SCAMP4: variants seen among roughly 807,000 people sequenced by gnomAD.
The protein encoded by SCAMP4 is secretory carrier-associated membrane protein 4.
A neutral mutation model predicts 32.1 loss-of-function variants in SCAMP4; 19 were observed. That is an observed-to-expected ratio of 0.59 (90% CI 0.41 to 0.87). SCAMP4 has a LOEUF of 0.87. SCAMP4 is among the 40% of genes least tolerant of loss of function. SCAMP4 has a pLI of 0.00. For missense variants in SCAMP4, 302 were observed against 309.0 expected, an observed-to-expected ratio of 0.98 and a Z score of 0.17; for synonymous variants, 152 against 132.7, an observed-to-expected ratio of 1.15 and a Z score of -1.00.
intron 2 of SCAMP4, among the ~76,000 whole-genome samples, chr19:1,917,180 C>T (rs1441916228): frequency 6.6e-6 from 1 of 152,108 alleles, no homozygotes; most frequent in African/African-American, 2.4e-5. Context: ...GTGGTGGGCG[C>T]CTGTAATCCC....
intron 5 of SCAMP4, chr19:1,921,245 G>C (rs978530118): frequency 5.6e-5 from 55 of 985,200 alleles, no homozygotes; most frequent in Non-Finnish European, 6.6e-5. Flanking sequence ...GGCAAGAGGC[G>C]ACAGCCCCGC....
intron 1 of SCAMP4, among the ~76,000 whole-genome samples, chr19:1,909,584 GCAGCAGGGA>G (rs2013327852): frequency 1.0e-5 from 1 of 99,790 alleles, no homozygotes; most frequent in African/African-American, 5.2e-5. Flanking sequence ...ACCTGTGCCA[GCAGCAGGGA>G]TGTCCTCACC....
chr19:1,912,871 C>G, intron 1 of SCAMP4: 2 of 1,601,258 alleles, frequency 1.2e-6, no homozygotes, highest in Middle Eastern at 3.3e-4. Flanking sequence ...GCCCCCCAGG[C>G]CGTCCGCGCA....
chr19:1,923,029 G>T (rs546069581), intron 5 of SCAMP4, 41 bp from the exon 6 acceptor site: 2 of 1,495,554 alleles, frequency 1.3e-6, no homozygotes, highest in Non-Finnish European at 1.8e-6. Context: ...CCCTCATCCA[G>T]CAGGTGTGCA....
rs773503682 is a variant in SCAMP4 at position 1,918,251 on chromosome 19, G to A, written c.261G>A (p.Val87=). Residue 87 remains valine, a synonymous_variant, in exon 4 of 7, where the codon GTG becomes GTA. Transcript: ENST00000316097. The part of the protein sequence containing the change: ...WLLLFTPCGY[V]CWFRPVYKAF... ...TCCTGTTCACGCCTTGCGGCTACGTGTGCTGGTTCCGGCCTGTCTACAAGG... is the reference window on the plus strand; with the variant it reads ...TCCTGTTCACGCCTTGCGGCTACGTATGCTGGTTCCGGCCTGTCTACAAGG... 4.4e-6 allele frequency: 7 copies of A among 1,608,314 alleles called. No homozygotes were observed. Among genetic ancestry groups the A allele is most frequent in the Admixed American group, 1.7e-5 (1 of 59,890 alleles).
At position 1,911,925 on chromosome 19, in the gene SCAMP4, C is replaced by T. The variant is rs562813101; in HGVS notation, c.-41-3054C>T. On this transcript the variant is annotated intron_variant, in intron 1 of 6. Transcript: ENST00000316097. ...GACATGAGGGAGTGTAGCTCTGATG[C>T]GGTGACCTGGGCCGGAGCCCTCGGA... 1.9e-4 allele frequency: 239 copies of T among 1,261,480 alleles called. 1 individual carries two copies. The highest frequency in any genetic ancestry group is 3.8e-4 in the South Asian group (22 of 57,446). 78.1% of individuals were successfully genotyped at this position (1,261,480 alleles called of 1,614,324 possible). A position where few individuals can be genotyped will look rare whatever the true frequency, so the allele number is the denominator to read the frequency against.
At chr19:1,920,867 T>G (rs932203010) in intron 5 of SCAMP4, 2 of 985,376 alleles carry the variant, frequency 2.0e-6, no homozygotes, top group Non-Finnish European at 2.4e-6. Flanking sequence ...TGCCCACATG[T>G]GACCCTCAGA....
chr19:1,908,343 C>A lies in SCAMP4; in HGVS notation c.-42+2904C>A. ...GGCCGCTTCAGCGTGACCTCCAAGG[C>A]CACTGGCCTGGAGTTCCACTGGCTG... On this transcript the variant is annotated intron_variant, in intron 1 of 6. Coordinates refer to ENST00000316097, the MANE Select transcript of SCAMP4 (RefSeq NM_079834.4). This position sits in a 1 kb window ranked among gnomAD's most constrained non-coding sequence, Gnocchi z 4.2. 2.7e-6 allele frequency: 1 copy of A among 373,260 alleles called. No homozygotes were observed. 23.1% of individuals were successfully genotyped at this position (373,260 alleles called of 1,614,324 possible).
rs950410431 is a variant in SCAMP4 at position 1,922,909 on chromosome 19, A to T, written c.396-161A>T. 10 of 1,345,308 alleles carry T rather than the reference A, an allele frequency of 7.4e-6. No individual in the cohort carries two copies. The African/African-American group carries it at 1.5e-4, about 20-fold the overall frequency. The allele number at this position is 1,345,308 out of a possible 1,614,324, so 83.3% of individuals were successfully genotyped here. A position where few individuals can be genotyped will look rare whatever the true frequency, so the allele number is the denominator to read the frequency against. ...TCACGCGTTGAAGTTGGTGCCTCTC[A>T]GTATCGCTTTATGTTTGTTGGCCAC... On this transcript the variant is annotated intron_variant, in intron 5 of 6. Coordinates refer to ENST00000316097, the MANE Select transcript of SCAMP4 (RefSeq NM_079834.4).
At chr19:1,912,745 C>T in intron 1 of SCAMP4, 3 of 1,544,700 alleles carry the variant, frequency 1.9e-6, no homozygotes, top group Non-Finnish European at 1.7e-6. Context: ...TGCAGCTGCG[C>T]GGACAACCCC....
chr19:1,907,905 CTGGGACAGTCAA>C (rs1334417444), intron 1 of SCAMP4: 1 of 152,664 alleles, frequency 6.6e-6, no homozygotes, highest in African/African-American at 2.4e-5. Flanking sequence ...CCGCCCTGGC[CTGGGACAGTCAA>C]TCAGCCTGAA....
chr19:1,919,282 G>A (rs1319908145), intron 5 of SCAMP4: 3 of 1,270,072 alleles, frequency 2.4e-6, no homozygotes, highest in African/African-American at 3.0e-5. Context: ...TCTCCTGAGT[G>A]TTGATCACAC....
chr19:1,919,157 GCCCGCGTCCTCGCCAGCA>G (rs2013836336), intron 5 of SCAMP4, 167 bp downstream of exon 5: 4 of 1,442,502 alleles, frequency 2.8e-6, no homozygotes, highest in South Asian at 1.4e-5. Flanking sequence ...CCTCGCCAGC[GCCCGCGTCCTCGCCAGCA>G]CCCAGCCATG....
At chr19:1,920,106 T>C in intron 5 of SCAMP4, 5 of 985,240 alleles carry the variant, frequency 5.1e-6, no homozygotes, top group Non-Finnish European at 4.8e-6. Flanking sequence ...CCACTGTGCC[T>C]GGCCAAATTT....
intron 2 of SCAMP4, chr19:1,915,285 C>G: frequency 1.7e-6 from 1 of 579,260 alleles, no homozygotes; most frequent in South Asian, 2.0e-5. Context: ...CCTGCCATCA[C>G]AGCTGCTCTT....
Position 1,917,591 on chromosome 19 carries a change from C to T in SCAMP4, c.8-103C>T. 2.2e-6 allele frequency: 3 copies of T among 1,340,178 alleles called. 1 individual carries two copies. The South Asian group carries it at 3.9e-5, about 18-fold the overall frequency. 83.0% of individuals were successfully genotyped at this position (1,340,178 alleles called of 1,614,324 possible). On this transcript the variant is annotated intron_variant, in intron 2 of 6. Coordinates refer to ENST00000316097, the MANE Select transcript of SCAMP4 (RefSeq NM_079834.4). ...GCCCTCAATCCCAACTGCAGAGTCC[C>T]TTCTGCCATGAGAGGCAACCCAGCC...
At chr19:1,920,968 G>A (rs1470224641) in intron 5 of SCAMP4, 87 of 985,308 alleles carry the variant, frequency 8.8e-5, no homozygotes, top group Non-Finnish European at 9.5e-5. Context: ...GCAGGTCACG[G>A]GAGAAGCTGA....
At position 1,918,985 on chromosome 19, in the gene SCAMP4, C is replaced by T. The variant is rs1241770879; in HGVS notation, c.390C>T (p.Gly130=). The T allele has an allele frequency of 6.2e-6, 10 of 1,605,574 alleles. No homozygotes were observed. The highest frequency in any genetic ancestry group is 1.3e-5 in the African/African-American group (1 of 74,782). Residue 130 remains glycine (G), a synonymous_variant, in exon 5 of 7, where the codon GGC becomes GGT. Coordinates refer to ENST00000316097, the MANE Select transcript of SCAMP4 (RefSeq NM_079834.4). ...VIQAIGFSGW[G]ACGWLSAIGF... ...AGGCGATTGGCTTCTCCGGCTGGGG[C>T]GCGTGGTAAGCCTCTCTCTGATGGG... is the stretch of plus-strand genomic sequence containing the variant.
intron 1 of SCAMP4, chr19:1,912,381 C>G (rs1257950765): frequency 5.3e-6 from 8 of 1,521,248 alleles, no homozygotes; most frequent in Non-Finnish European, 7.0e-6. Context: ...GCTGCTTTGC[C>G]TGGCTGGGCC....
Sources: gnomAD v4.1 joint callset for allele counts (sites outside exome capture counted in the v4.1 genomes callset) on GRCh38, gnomAD v4.1.1 for gene constraint, Gnocchi (gnomAD v3.1) non-coding constraint, MANE v1.5 for transcripts, NCBI Gene and HGNC (gene_info 2026-07-23, HGNC 2026-07-21) for gene names.